The following RANBP2 variants were observed in gnomAD, a reference collection of about 807,000 sequenced individuals.
RANBP2 encodes RAN binding protein 2.
Under a neutral mutation model 303.6 loss-of-function variants are expected in RANBP2, and 57 were observed. The ratio of observed to expected loss-of-function variants is 0.19; its 90% CI spans 0.15 to 0.23. RANBP2 has a LOEUF of 0.23. Ranked by LOEUF, RANBP2 falls within the 10% of genes least tolerant of loss-of-function variation. The pLI is 1.00. For missense variants in RANBP2, 3,138 were observed against 3,780.8 expected (o/e 0.83, Z 4.46); for synonymous variants, 1,167 against 1,301.5 (o/e 0.90, Z 2.23).
chr2:109,593,263 C>T, the RANBP2 span: 4 of 478,186 alleles, frequency 8.4e-6, no homozygotes, highest in South Asian at 1.5e-4. Flanking sequence ...ATTATTGAAT[C>T]GTGTTTGAAA....
At chr2:108,900,035 A>T in the RANBP2 span, among the ~76,000 whole-genome samples, 1 of 152,186 alleles carries the variant, frequency 6.6e-6, no homozygotes, top group Non-Finnish European at 1.5e-5. Flanking sequence ...TATATGTGTC[A>T]ATGCAATGTC....
the RANBP2 span, among the ~76,000 whole-genome samples, chr2:109,726,543 C>T: frequency 6.6e-6 from 1 of 152,102 alleles, no homozygotes; most frequent in East Asian, 1.9e-4. Flanking sequence ...CAGAGGAGAC[C>T]GTTTCCAAGG....
chr2:109,249,557 T>TCCG, the RANBP2 span, among the ~76,000 whole-genome samples: 1 of 136,976 alleles, frequency 7.3e-6, no homozygotes, highest in African/African-American at 3.0e-5. Flanking sequence ...CCTTCCTTCC[T>TCCG]TCCTTCCTTC....
chr2:109,088,576 G>A, the RANBP2 span, among the ~76,000 whole-genome samples: 3 of 151,846 alleles, frequency 2.0e-5, no homozygotes, highest in African/African-American at 4.8e-5. Flanking sequence ...GCAGTGGTAC[G>A]ATCTTGGCTC....
chr2:108,764,668 A>T lies in RANBP2; in HGVS notation c.4129A>T (p.Asn1377Tyr), dbSNP rs1467876487. ...STAKKCVSCQ[N>Y]LNPSNKELVG... ...TGCTAAGAAATGTGTATCATGCCAA[A>T]ATCTAAACCCAAGCAATAAAGAGCT... is the stretch of plus-strand genomic sequence containing the variant. The change falls in exon 20 of 29, where the codon AAT becomes TAT. Residue 1377 changes from asparagine to tyrosine, a missense_variant. Asn to Tyr is a moderately radical substitution (Grantham distance 143). This residue lies in a region of RANBP2 where 388 missense variants were observed against 328.5 expected (regional missense o/e 1.18). Transcript: ENST00000283195. 2.5e-6 allele frequency: 4 copies of T among 1,613,946 alleles called. No homozygotes were observed. The highest frequency in any genetic ancestry group is 3.4e-6 in the Non-Finnish European group (4 of 1,179,992).
At chr2:109,061,220 G>C in the RANBP2 span, among the ~76,000 whole-genome samples, 1 of 152,096 alleles carries the variant, frequency 6.6e-6, no homozygotes, top group East Asian at 1.9e-4. Flanking sequence ...CTTGGTGAGA[G>C]TGTGTGTACT....
At chr2:108,994,199 A>G in the RANBP2 span, among the ~76,000 whole-genome samples, 1 of 152,166 alleles carries the variant, frequency 6.6e-6, no homozygotes, top group African/African-American at 2.4e-5. Flanking sequence ...AGCTGTCAAT[A>G]ATGACTCTGG....
At chr2:109,657,484 G>A in the RANBP2 span, among the ~76,000 whole-genome samples, 1 of 152,028 alleles carries the variant, frequency 6.6e-6, no homozygotes, top group Non-Finnish European at 1.5e-5. Context: ...GCAGACAGCT[G>A]TTTATGAAGC....
chr2:109,071,816 A>G, the RANBP2 span, among the ~76,000 whole-genome samples: 1 of 152,194 alleles, frequency 6.6e-6, no homozygotes, highest in Non-Finnish European at 1.5e-5. Flanking sequence ...TAATAGATGA[A>G]ATAACTGAGG....
At chr2:108,899,288 G>T in the RANBP2 span, among the ~76,000 whole-genome samples, 1 of 152,184 alleles carries the variant, frequency 6.6e-6, no homozygotes, top group South Asian at 2.1e-4. Flanking sequence ...TGAAAGAAAA[G>T]AACTTTCAAC....
chr2:108,854,066 T>TAA, the RANBP2 span, among the ~76,000 whole-genome samples: 1 of 121,778 alleles, frequency 8.2e-6, no homozygotes, highest in Non-Finnish European at 1.6e-5. Context: ...TTATATATAT[T>TAA]TTATATATAA....
the RANBP2 span, among the ~76,000 whole-genome samples, chr2:109,232,779 C>T: frequency 6.6e-6 from 1 of 152,048 alleles, no homozygotes; most frequent in South Asian, 2.1e-4. Flanking sequence ...TTAAAGGGTC[C>T]CCTAAACACA....
At chr2:108,782,095 GCAGCTTATAGA>G in intron 26 of RANBP2, 22 bp from the exon 27 acceptor site, 1 of 1,606,674 alleles carries the variant, frequency 6.2e-7, no homozygotes. Flanking sequence ...ATTATAAGCA[GCAGCTTATAGA>G]GAATTTCATC....
the RANBP2 span, among the ~76,000 whole-genome samples, chr2:109,577,636 C>T: frequency 2.7e-5 from 4 of 150,600 alleles, no homozygotes; most frequent in Admixed American, 6.6e-5. Context: ...AGAACTCGGT[C>T]GGATAGTGGC....
Position 108,747,861 on chromosome 2 carries a change from G to C in RANBP2, c.1064-1059G>C, listed in dbSNP as rs371226328. Among the ~76,000 whole-genome samples, 208 of 152,226 alleles carry C rather than the reference G, an allele frequency of 1.4e-3. 4 individuals carry two copies. Among genetic ancestry groups the C allele is most frequent in the Middle Eastern group, 0.01 (3 of 294 alleles). ...AAAGTGTACGGTTCAGTGGCTTTTA[G>C]TATGTTCATAGAGTATTACCACTGT... On this transcript the variant is annotated intron_variant, in intron 8 of 28. Transcript: ENST00000283195.
At chr2:108,978,362 C>A in the RANBP2 span, among the ~76,000 whole-genome samples, 1 of 152,156 alleles carries the variant, frequency 6.6e-6, no homozygotes, top group Admixed American at 6.5e-5. Flanking sequence ...GGCCAGGTCT[C>A]CTATTAAGTA....
intron 7 of RANBP2, among the ~76,000 whole-genome samples, chr2:108,743,898 G>A (rs1696309502): frequency 6.6e-6 from 1 of 151,956 alleles, no homozygotes; most frequent in African/African-American, 2.4e-5. Context: ...TTAGATGCTT[G>A]TATTTTATTT....
At chr2:109,588,760 G>A in the RANBP2 span, among the ~76,000 whole-genome samples, 1 of 150,948 alleles carries the variant, frequency 6.6e-6, no homozygotes, top group Non-Finnish European at 1.5e-5. Context: ...CAAAGTGCTA[G>A]GATTACAGGC....
the RANBP2 span, among the ~76,000 whole-genome samples, chr2:109,583,451 A>G: frequency 7.2e-5 from 11 of 152,282 alleles, no homozygotes; most frequent in East Asian, 1.9e-3. Context: ...CCATCTCACA[A>G]CAGTCAGAAT....
Sources: gnomAD v4.1 joint callset for allele counts (sites outside exome capture counted in the v4.1 genomes callset) on GRCh38, gnomAD v4.1.1 for gene constraint, gnomAD v4.1.1 regional missense constraint, MANE v1.5 for transcripts, NCBI Gene and HGNC (gene_info 2026-07-23, HGNC 2026-07-21) for gene names.